The following KDM3A variants were observed in gnomAD, a reference collection of about 807,000 sequenced individuals.
KDM3A encodes the protein lysine demethylase 3A.
KDM3A carries 60 observed loss-of-function variants against 158.0 expected under a neutral mutation model. The ratio of observed to expected loss-of-function variants is 0.38; its 90% CI spans 0.31 to 0.47. KDM3A has a LOEUF of 0.47. Among genes scored for constraint, KDM3A ranks in the 20% least tolerant of loss-of-function variants. The pLI is 0.99. For synonymous variants in KDM3A, 608 were observed against 549.3 expected, an observed-to-expected ratio of 1.11 and a Z score of -1.49; for missense variants, 1,319 against 1,574.3, an observed-to-expected ratio of 0.84 and a Z score of 2.74.
chr2:86,452,375 T>G (rs560937128), intron 4 of KDM3A, among the ~76,000 whole-genome samples: 10 of 152,266 alleles, frequency 6.6e-5, no homozygotes, highest in African/African-American at 2.4e-4. Flanking sequence ...AAATAAGATG[T>G]CTTTCAACAG....
chr2:86,487,221 C>T (rs866433860), intron 21 of KDM3A: 1 of 152,220 alleles, frequency 6.6e-6, no homozygotes, highest in South Asian at 2.1e-4. Flanking sequence ...ACTAGCTTGG[C>T]AGCGGGTCTT....
At chr2:86,437,458 T>A (rs2104606817), upstream of KDM3A, among the ~76,000 whole-genome samples, 1 of 152,326 alleles carries the variant, frequency 6.6e-6, no homozygotes, top group South Asian at 2.1e-4. Context: ...ACATTTTTAA[T>A]GGATAATCAA....
At chr2:86,491,335 C>T in intron 25 of KDM3A, 60 bp downstream of exon 25, 1 of 1,540,324 alleles carries the variant, frequency 6.5e-7, no homozygotes, top group Non-Finnish European at 9.0e-7. Context: ...ATGGCCCATT[C>T]TTCACCTTAT....
At chr2:86,470,542 C>G (rs1290162132) in intron 11 of KDM3A, 134 bp downstream of exon 11, 2 of 688,580 alleles carry the variant, frequency 2.9e-6, no homozygotes, top group Non-Finnish European at 4.9e-6. Flanking sequence ...TTTATAATCT[C>G]TAGGTTGGAG....
intron 1 of KDM3A, 65 bp downstream of exon 1, chr2:86,441,509 G>T (rs924500495): frequency 6.6e-6 from 1 of 151,480 alleles, no homozygotes; most frequent in African/African-American, 2.4e-5. Context: ...CGAGCGCGCG[G>T]CCCCGTCGCC....
intron 11 of KDM3A, among the ~76,000 whole-genome samples, chr2:86,471,689 C>T (rs1673418251): frequency 6.6e-6 from 1 of 152,186 alleles, no homozygotes; most frequent in Admixed American, 6.5e-5. Context: ...GTGCTCGTAA[C>T]TTTCAGATTC....
At chr2:86,481,209 G>GGAA (rs1673911698) in intron 16 of KDM3A, among the ~76,000 whole-genome samples, 1 of 152,104 alleles carries the variant, frequency 6.6e-6, no homozygotes, top group Admixed American at 6.5e-5. Flanking sequence ...AAACAAGACT[G>GGAA]GAGACATCAT....
intron 2 of KDM3A, among the ~76,000 whole-genome samples, chr2:86,443,770 C>A (rs553277059): frequency 6.6e-6 from 1 of 152,158 alleles, no homozygotes; most frequent in Non-Finnish European, 1.5e-5. Context: ...TCGGCTCATT[C>A]TCCTGCCAAA....
intron 5 of KDM3A, among the ~76,000 whole-genome samples, 164 bp from the exon 6 acceptor site, chr2:86,456,278 T>C (rs1017117926): frequency 1.4e-4 from 21 of 152,204 alleles, no homozygotes; most frequent in African/African-American, 5.1e-4. Context: ...AATTTTCTCA[T>C]AGCTTTTCTG....
At chr2:86,445,825 T>A (rs891358060) in intron 2 of KDM3A, among the ~76,000 whole-genome samples, 2 of 152,232 alleles carry the variant, frequency 1.3e-5, no homozygotes, top group African/African-American at 4.8e-5. Context: ...GACAAACATT[T>A]AGGCATAAGA....
rs1428126517 is a variant in KDM3A, at chr2:86,464,131, A to G, written c.922A>G (p.Thr308Ala). The G allele has an allele frequency of 3.1e-6, 5 of 1,612,672 alleles. No homozygotes were observed. The highest frequency in any genetic ancestry group is 2.2e-5 in the East Asian group (1 of 44,842). Reference sequence around the variant, plus strand: ...GATACTGCTTGGCTGTACTGCGGCAACTCCACCTAGTAAGGACCCAAGACA... The same window carrying G: ...GATACTGCTTGGCTGTACTGCGGCAGCTCCACCTAGTAAGGACCCAAGACA... ...KEILLGCTAA[T>A]PPSKDPRQQS... is the part of the protein sequence containing the mutation. Residue 308 changes from threonine (T) to alanine (A), a missense_variant, in exon 9 of 26, where the codon ACT becomes GCT. This residue lies in a region of KDM3A where 652 missense variants were observed against 627.2 expected (regional missense o/e 1.04). Transcript: ENST00000312912.
chr2:86,437,866 TTTTGATTCTTGTTTTAATTCTAATAA>T (rs1349332365), upstream of KDM3A, among the ~76,000 whole-genome samples: 7 of 152,300 alleles, frequency 4.6e-5, no homozygotes. Flanking sequence ...TGCATTATCT[TTTTGATTCTTGTTTTAATTCTAATAA>T]TTTGTCACTG....
chr2:86,476,147 A>G (rs1673650620), intron 12 of KDM3A, among the ~76,000 whole-genome samples: 1 of 152,232 alleles, frequency 6.6e-6, no homozygotes, highest in Non-Finnish European at 1.5e-5. Context: ...TAGAGATACA[A>G]AGTTTCTTTA....
Position 86,466,378 on chromosome 2 carries a change from TAAAC to T in KDM3A, c.1018_1021del (p.Gln340ValfsTer10), listed in dbSNP as rs774998803. The T allele has an allele frequency of 1.2e-6, 2 of 1,607,392 alleles. No homozygotes were observed. Among genetic ancestry groups the T allele is most frequent in the Non-Finnish European group, 1.7e-6 (2 of 1,177,016 alleles). On this transcript the variant is annotated frameshift_variant, in exon 10 of 26. Transcript: ENST00000312912. LOFTEE classifies it high-confidence loss of function. ...TCTATATTATATTTTTCAGATGTCA[TAAAC>T]AAAGTTTACCAGAGGAAATTTCTTC...
chr2:86,482,257 G>A (rs78987688), intron 17 of KDM3A, among the ~76,000 whole-genome samples, 155 bp downstream of exon 17: 1,689 of 152,230 alleles, frequency 0.011, 36 homozygotes, highest in African/African-American at 0.038. Context: ...GGTTTTATGG[G>A]ACTATAGTTC....
In KDM3A at chr2:86,482,443, C is replaced by G. The variant is rs776421720; in HGVS notation, c.2686-15C>G. On this transcript the variant is annotated splice_polypyrimidine_tract_variant and intron_variant, in intron 17 of 25. Coordinates refer to ENST00000312912, the MANE Select transcript of KDM3A (RefSeq NM_018433.6). ...GAATGACATATTTGAGACTTTTGTT[C>G]TTTCTCCAATTCAGACAGAAAATGG... 7 of 1,610,264 alleles carry G rather than the reference C, an allele frequency of 4.3e-6. No individual in the cohort carries two copies. In the African/African-American group the frequency reaches 6.7e-5, roughly 15 times the overall value.
At chr2:86,441,922 G>A (rs890784246) in intron 1 of KDM3A, 96 bp from the exon 2 acceptor site, 1 of 966,496 alleles carries the variant, frequency 1.0e-6, no homozygotes, top group Admixed American at 2.7e-5. Context: ...GCGTCCTCGC[G>A]CGGGTTCGGC....
chr2:86,486,872 T>G (rs146366098), intron 21 of KDM3A: 2 of 152,502 alleles, frequency 1.3e-5, no homozygotes, highest in East Asian at 3.9e-4. Flanking sequence ...GCAGTCTCCA[T>G]GCCCAAGATA....
At chr2:86,485,062 G>T in intron 20 of KDM3A, 33 bp downstream of exon 20, 9 of 1,162,806 alleles carry the variant, frequency 7.7e-6, no homozygotes, top group Non-Finnish European at 1.2e-5. Context: ...AGATGATTCT[G>T]TCCTTCACTT....
Sources: allele counts gnomAD v4.1 joint callset (sites outside exome capture counted in the v4.1 genomes callset), GRCh38; gene constraint gnomAD v4.1.1; regional missense constraint gnomAD v4.1.1; transcripts MANE v1.5; gene names NCBI Gene and HGNC (gene_info 2026-07-23, HGNC 2026-07-21).